The following HS6ST3 variants were observed in gnomAD, a reference collection of about 807,000 sequenced individuals.
HS6ST3 encodes the protein heparan sulfate 6-O-sulfotransferase 3, also known as heparan-sulfate 6-O-sulfotransferase 3.
In HS6ST3, 12 loss-of-function variants were observed where a neutral mutation model predicts 36.7. The observed-to-expected ratio is 0.33, with a 90% CI of 0.21 to 0.53. The LOEUF is 0.53. Among genes scored for constraint, HS6ST3 ranks in the 20% least tolerant of loss-of-function variants. The probability of loss-of-function intolerance (pLI) is 0.95; values close to 1 mark genes in which losing one functional copy is unlikely to be tolerated. For missense variants in HS6ST3, 584 were observed against 640.9 expected, an observed-to-expected ratio of 0.91 and a Z score of 0.96; for synonymous variants, 240 against 257.5, an observed-to-expected ratio of 0.93 and a Z score of 0.65.
At chr13:96,697,381 G>GC (rs1875157632) in intron 1 of HS6ST3, among the ~76,000 whole-genome samples, 1 of 151,888 alleles carries the variant, frequency 6.6e-6, no homozygotes, top group African/African-American at 2.4e-5. Context: ...TCTAACATAT[G>GC]GCAAGTAAAA....
chr13:96,599,239 G>T (rs143366036), intron 1 of HS6ST3, among the ~76,000 whole-genome samples: 2 of 152,036 alleles, frequency 1.3e-5, no homozygotes, highest in African/African-American at 4.8e-5. Flanking sequence ...TGAATATCTG[G>T]TAGAGTTTGG....
At chr13:96,715,853 A>G (rs1875682324) in intron 1 of HS6ST3, among the ~76,000 whole-genome samples, 1 of 152,084 alleles carries the variant, frequency 6.6e-6, no homozygotes, top group Non-Finnish European at 1.5e-5. Flanking sequence ...TTCTAATTCC[A>G]TGAATTATAG....
intron 1 of HS6ST3, among the ~76,000 whole-genome samples, chr13:96,467,093 A>G (rs1008828960): frequency 6.6e-6 from 1 of 152,176 alleles, no homozygotes; most frequent in Non-Finnish European, 1.5e-5. Flanking sequence ...ATTGCAACAT[A>G]TGTATAAACT....
chr13:96,345,176 A>G (rs1015510543), intron 1 of HS6ST3, among the ~76,000 whole-genome samples: 5 of 152,318 alleles, frequency 3.3e-5, no homozygotes, highest in African/African-American at 1.2e-4. Context: ...GGCAGGCTTC[A>G]GGAGGATTCT....
In HS6ST3 at chr13:96,304,142, CAA is replaced by C. The variant is rs71113990; in HGVS notation, c.707+212586_707+212587del. 5.8e-3 allele frequency among the ~76,000 whole-genome samples: 793 copies of C among 135,748 alleles called. 4 individuals carry two copies. Among genetic ancestry groups the C allele is most frequent in the Non-Finnish European group, 8.7e-3 (543 of 62,422 alleles). 89.1% of individuals were successfully genotyped at this position (135,748 alleles called of 152,430 possible). On this transcript the variant is annotated intron_variant, in intron 1 of 1. Coordinates refer to ENST00000376705, the MANE Select transcript of HS6ST3 (RefSeq NM_153456.4). ...TGGGGGTCAGAGAGAGACTCCATCT[CAA>C]AAAAAAAAAAAATGTGATTTTTACC...
chr13:96,175,994 A>AT (rs201098239), intron 1 of HS6ST3, among the ~76,000 whole-genome samples: 3,875 of 152,006 alleles, frequency 0.025, 60 homozygotes, highest in South Asian at 0.055. Flanking sequence ...TGCCTGGCTA[A>AT]TTTTTTGTAT....
intron 1 of HS6ST3, among the ~76,000 whole-genome samples, chr13:96,706,645 A>G (rs1052889035): frequency 2.6e-5 from 4 of 151,858 alleles, no homozygotes; most frequent in African/African-American, 7.3e-5. Flanking sequence ...TCAGGACAAG[A>G]AAAGTAAAAC....
chr13:96,303,633 C>A (rs1467538198), intron 1 of HS6ST3, among the ~76,000 whole-genome samples: 1 of 151,976 alleles, frequency 6.6e-6, no homozygotes, highest in Non-Finnish European at 1.5e-5. Context: ...GGAACACAGG[C>A]CTGTATGGCA....
intron 1 of HS6ST3, among the ~76,000 whole-genome samples, chr13:96,603,915 T>A (rs2056430028): frequency 6.6e-6 from 1 of 152,210 alleles, no homozygotes; most frequent in Non-Finnish European, 1.5e-5. Context: ...AAGGATCTAC[T>A]GAGGCTAGGA....
At chr13:96,650,259 CAGA>C (rs1195012835) in intron 1 of HS6ST3, among the ~76,000 whole-genome samples, 3 of 152,086 alleles carry the variant, frequency 2.0e-5, no homozygotes, top group Non-Finnish European at 4.4e-5. Context: ...TGTTAAGCTG[CAGA>C]AGAACAGGAA....
chr13:96,412,086 C>A (rs549209184), intron 1 of HS6ST3, among the ~76,000 whole-genome samples: 13 of 152,026 alleles, frequency 8.6e-5, no homozygotes, highest in African/African-American at 3.1e-4. Flanking sequence ...CTCACTGCAA[C>A]CTCCGCCTCC....
At chr13:96,241,219 T>C (rs2054558065) in intron 1 of HS6ST3, among the ~76,000 whole-genome samples, 1 of 152,146 alleles carries the variant, frequency 6.6e-6, no homozygotes, top group Admixed American at 6.5e-5. Context: ...TTTTTGATGC[T>C]AGATCACTAT....
At position 96,598,049 on chromosome 13, in the gene HS6ST3, G is replaced by C. The variant is rs572276128; in HGVS notation, c.708-234441G>C. Among the ~76,000 whole-genome samples the C allele has an allele frequency of 7.2e-5, 11 of 152,136 alleles. No homozygotes were observed. In the East Asian group the frequency reaches 2.1e-3, roughly 29 times the overall value. ...GGTCTCTGTGTCTGCTTTTATACCA[G>C]TGCCATGCTGTTTTCATTACCATAA... On this transcript the variant is annotated intron_variant, in intron 1 of 1. Transcript: ENST00000376705.
At chr13:96,363,054 A>G (rs2055246140) in intron 1 of HS6ST3, among the ~76,000 whole-genome samples, 1 of 152,080 alleles carries the variant, frequency 6.6e-6, no homozygotes, top group Non-Finnish European at 1.5e-5. Context: ...AGCACAGGTG[A>G]CAGAATCGTT....
intron 1 of HS6ST3, among the ~76,000 whole-genome samples, chr13:96,188,145 A>G (rs1486188311): frequency 6.6e-6 from 1 of 152,154 alleles, no homozygotes; most frequent in Non-Finnish European, 1.5e-5. Flanking sequence ...CTTAAATACT[A>G]TCACAAGTGA....
At chr13:96,300,222 A>G (rs2054875258) in intron 1 of HS6ST3, among the ~76,000 whole-genome samples, 1 of 151,408 alleles carries the variant, frequency 6.6e-6, no homozygotes, top group South Asian at 2.1e-4. Context: ...ACACCTGGCT[A>G]ATTTTTGTAT....
chr13:96,479,803 T>C, intron 1 of HS6ST3, among the ~76,000 whole-genome samples: 1 of 152,322 alleles, frequency 6.6e-6, no homozygotes, highest in East Asian at 1.9e-4. Context: ...TTTTGGGCAC[T>C]CGTCCTACAT....
chr13:96,399,884 C>T (rs2055440687), intron 1 of HS6ST3, among the ~76,000 whole-genome samples: 1 of 152,204 alleles, frequency 6.6e-6, no homozygotes, highest in South Asian at 2.1e-4. Flanking sequence ...AAAAACTATA[C>T]TCCTTGCTAT....
chr13:96,777,430 C>T (rs528850390), intron 1 of HS6ST3, among the ~76,000 whole-genome samples: 10 of 152,328 alleles, frequency 6.6e-5, no homozygotes, highest in Admixed American at 3.3e-4. Context: ...TAGAAAACTG[C>T]ATCATCTCAG....
Sources: allele counts gnomAD v4.1 joint callset (sites outside exome capture counted in the v4.1 genomes callset), GRCh38; gene constraint gnomAD v4.1.1; transcripts MANE v1.5; gene names NCBI Gene and HGNC (gene_info 2026-07-23, HGNC 2026-07-21).